The following ADAMTS12 variants were observed in gnomAD, a reference collection of about 807,000 sequenced individuals.
ADAMTS12 encodes the protein A disintegrin and metalloproteinase with thrombospondin motifs 12.
A neutral mutation model predicts 167.8 loss-of-function variants in ADAMTS12; 118 were observed. That is an observed-to-expected ratio of 0.70 (90% confidence interval 0.61 to 0.82). ADAMTS12 has a LOEUF of 0.82. Among genes scored for constraint, ADAMTS12 ranks in the 40% least tolerant of loss-of-function variants. The pLI, the probability that ADAMTS12 is intolerant of heterozygous loss-of-function variation, is 0.00. For synonymous variants in ADAMTS12, 704 were observed against 716.9 expected, an observed-to-expected ratio of 0.98 and a Z score of 0.29; for missense variants, 1,916 against 1,998.8, an observed-to-expected ratio of 0.96 and a Z score of 0.79.
At chr5:33,857,005 C>T (rs1385834453) in intron 2 of ADAMTS12, among the ~76,000 whole-genome samples, 2 of 152,154 alleles carry the variant, frequency 1.3e-5, no homozygotes, top group Admixed American at 6.5e-5. Context: ...GCCTAAATGT[C>T]CACTGACAGA....
intron 1 of ADAMTS12, among the ~76,000 whole-genome samples, chr5:33,887,242 A>G (rs1580024874): frequency 6.6e-6 from 1 of 152,172 alleles, no homozygotes; most frequent in Non-Finnish European, 1.5e-5. Flanking sequence ...GCTTGGTCTT[A>G]TCTAATCCTC....
At chr5:33,788,797 A>C in intron 2 of ADAMTS12, among the ~76,000 whole-genome samples, 1 of 152,216 alleles carries the variant, frequency 6.6e-6, no homozygotes. Context: ...TTACTAAAGC[A>C]CATGCGCACA....
At chr5:33,639,951 A>C (rs1344043251) in intron 11 of ADAMTS12, among the ~76,000 whole-genome samples, 3 of 152,168 alleles carry the variant, frequency 2.0e-5, no homozygotes. Context: ...AGGTACCAAG[A>C]ATTGTCCTTG....
chr5:33,694,135 C>G (rs1490508095), intron 3 of ADAMTS12, among the ~76,000 whole-genome samples: 1 of 152,186 alleles, frequency 6.6e-6, no homozygotes, highest in African/African-American at 2.4e-5. Context: ...TTACAAAATA[C>G]TGCTCAAAGA....
intron 20 of ADAMTS12, among the ~76,000 whole-genome samples, chr5:33,556,518 G>T (rs1407107465): frequency 6.6e-6 from 1 of 152,184 alleles, no homozygotes. Context: ...GCCGAGGTAG[G>T]ATGTTTACAT....
At position 33,649,563 on chromosome 5, in the gene ADAMTS12, C is replaced by T. The variant is rs778793490; in HGVS notation, c.1325G>A (p.Arg442His). The T allele has an allele frequency of 2.4e-5, 38 of 1,613,136 alleles. No homozygotes were observed. Among genetic ancestry groups the T allele is most frequent in the African/African-American group, 1.2e-4 (9 of 74,896 alleles). The part of the protein sequence containing the change: ...WSKCSEEYIT[R>H]FLDRGWGFCL... The stretch of plus-strand genomic sequence containing the variant: ...AGACACTGTCACTTACTCCAAGAAG[C>T]GGGTGATGTACTCCTCGCTGCACTT... Residue 442 changes from arginine (R) to histidine (H), a missense_variant, in exon 8 of 24, where the codon CGC (arginine) becomes CAC (histidine). Physicochemically the swap from Arg to His is conservative, Grantham distance 29 (BLOSUM62 0). Coordinates refer to ENST00000504830, the MANE Select transcript of ADAMTS12 (RefSeq NM_030955.4).
chr5:33,628,275 A>G (rs376836893), intron 13 of ADAMTS12, among the ~76,000 whole-genome samples: 24 of 152,284 alleles, frequency 1.6e-4, no homozygotes, highest in African/African-American at 5.1e-4. Context: ...TATGAGAGTG[A>G]GAGTTCAGAG....
At chr5:33,830,643 T>A (rs1748262787) in intron 2 of ADAMTS12, among the ~76,000 whole-genome samples, 1 of 151,864 alleles carries the variant, frequency 6.6e-6, no homozygotes, top group African/African-American at 2.4e-5. Flanking sequence ...TGAAAAAAAA[T>A]TAGCCAAGAG....
chr5:33,671,940 A>T (rs867826542), intron 5 of ADAMTS12, among the ~76,000 whole-genome samples: 1 of 131,500 alleles, frequency 7.6e-6, no homozygotes, highest in Non-Finnish European at 1.5e-5. Context: ...ACTCACATAC[A>T]CACACACACC....
intron 2 of ADAMTS12, among the ~76,000 whole-genome samples, chr5:33,760,990 G>A (rs1468742068): frequency 1.3e-5 from 2 of 151,722 alleles, no homozygotes; most frequent in Admixed American, 6.6e-5. Flanking sequence ...TAAAATGTCC[G>A]ACTAAAAGGA....
At chr5:33,566,700 C>A (rs571221095) in intron 19 of ADAMTS12, among the ~76,000 whole-genome samples, 4 of 152,272 alleles carry the variant, frequency 2.6e-5, no homozygotes, top group Admixed American at 2.6e-4. Context: ...CAGTCAGTGG[C>A]AGAGAGTGCT....
At chr5:33,781,246 CAT>C (rs547286333) in intron 2 of ADAMTS12, among the ~76,000 whole-genome samples, 81 of 150,602 alleles carry the variant, frequency 5.4e-4, no homozygotes, top group African/African-American at 1.8e-3. Context: ...CAGATATGTG[CAT>C]GTGTGTGTGT....
At chr5:33,604,217 A>G (rs77410302) in intron 16 of ADAMTS12, among the ~76,000 whole-genome samples, 3,237 of 152,356 alleles carry the variant, frequency 0.021, 42 homozygotes, top group African/African-American at 0.049. Flanking sequence ...TAAACTAGGA[A>G]TAGAAGAAAA....
intron 14 of ADAMTS12, among the ~76,000 whole-genome samples, 153 bp from the exon 15 acceptor site, chr5:33,616,225 G>C (rs1739006726): frequency 6.6e-6 from 1 of 152,146 alleles, no homozygotes; most frequent in Admixed American, 6.5e-5. Flanking sequence ...CACTACTTAT[G>C]GGGGATTTTC....
chr5:33,705,836 T>C (rs1051819942), intron 3 of ADAMTS12, among the ~76,000 whole-genome samples: 2 of 151,668 alleles, frequency 1.3e-5, no homozygotes, highest in Non-Finnish European at 2.9e-5. Context: ...ATAATAATAA[T>C]AATAAACTAG....
intron 18 of ADAMTS12, among the ~76,000 whole-genome samples, chr5:33,587,439 G>T (rs1175617998): frequency 6.6e-6 from 1 of 152,076 alleles, no homozygotes; most frequent in South Asian, 2.1e-4. Flanking sequence ...AATATCCTGA[G>T]CAATGGTGGC....
chr5:33,794,026 C>A (rs1746678605), intron 2 of ADAMTS12, among the ~76,000 whole-genome samples: 1 of 152,180 alleles, frequency 6.6e-6, no homozygotes, highest in Non-Finnish European at 1.5e-5. Flanking sequence ...CTCTGCCCAC[C>A]CTCCCCATGA....
intron 11 of ADAMTS12, among the ~76,000 whole-genome samples, chr5:33,640,114 C>A (rs975187991): frequency 2.0e-5 from 3 of 152,154 alleles, no homozygotes; most frequent in African/African-American, 7.2e-5. Flanking sequence ...TGACCTACAG[C>A]AAGGATGCAG....
At chr5:33,802,714 C>T (rs1181631562) in intron 2 of ADAMTS12, among the ~76,000 whole-genome samples, 1 of 152,186 alleles carries the variant, frequency 6.6e-6, no homozygotes, top group South Asian at 2.1e-4. Context: ...GACACTACAT[C>T]TCAGGGGCCC....
Sources: gnomAD v4.1 joint callset for allele counts (sites outside exome capture counted in the v4.1 genomes callset) on GRCh38, gnomAD v4.1.1 for gene constraint, MANE v1.5 for transcripts, NCBI Gene and HGNC (gene_info 2026-07-23, HGNC 2026-07-21) for gene names.